MYRFL: variants seen among roughly 807,000 people sequenced by gnomAD.
MYRFL encodes the protein myelin regulatory factor-like protein.
Under a neutral mutation model 109.4 loss-of-function variants are expected in MYRFL, and 88 were observed. That is an observed-to-expected ratio of 0.80 (90% CI 0.68 to 0.96). The LOEUF is 0.96. MYRFL is among the 40% of genes least tolerant of loss of function. MYRFL has a pLI of 0.00. For synonymous variants in MYRFL, 324 were observed against 320.9 expected (o/e 1.01, Z -0.10); for missense variants, 957 against 954.9 (o/e 1.00, Z -0.03).
At chr12:69,827,767 AAAG>A (rs1882375333) in intron 1 of MYRFL, among the ~76,000 whole-genome samples, 1 of 152,106 alleles carries the variant, frequency 6.6e-6, no homozygotes, top group Admixed American at 6.6e-5. Flanking sequence ...CTTAAGCAAA[AAAG>A]TGACTTACAA....
intron 2 of MYRFL, among the ~76,000 whole-genome samples, chr12:69,869,642 G>T (rs1378574441): frequency 6.6e-6 from 1 of 152,182 alleles, no homozygotes; most frequent in East Asian, 1.9e-4. Context: ...TCAGTGTGAG[G>T]TGCAATAGAG....
chr12:69,865,460 A>G (rs1425027830), intron 2 of MYRFL, among the ~76,000 whole-genome samples: 1 of 152,084 alleles, frequency 6.6e-6, no homozygotes, highest in East Asian at 1.9e-4. Context: ...TCTGGGTTTT[A>G]TGGCTCGCTT....
At position 69,864,356 on chromosome 12, in the gene MYRFL, G is replaced by A. The variant is rs117134549; in HGVS notation, c.137+8986G>A. 2.6e-3 allele frequency among the ~76,000 whole-genome samples: 394 copies of A among 151,114 alleles called. 5 individuals are homozygous for A. Among genetic ancestry groups the A allele is most frequent in the African/African-American group, 9.2e-3 (379 of 41,122 alleles). ...TTTTTTTTCAATCTTTTTTCTCTCT[G>A]TTGGTTATATTGGATAATTTCTATT... On this transcript the variant is annotated intron_variant, in intron 2 of 24. Coordinates refer to ENST00000552032, the MANE Select transcript of MYRFL (RefSeq NM_182530.3).
intron 21 of MYRFL, among the ~76,000 whole-genome samples, chr12:69,954,421 C>T (rs2120557011): frequency 6.6e-6 from 1 of 152,290 alleles, no homozygotes; most frequent in East Asian, 1.9e-4. Context: ...ACTGAAATAA[C>T]ACTGTTCTCA....
chr12:69,913,649 G>T (rs1166552141), intron 13 of MYRFL, among the ~76,000 whole-genome samples: 1 of 152,080 alleles, frequency 6.6e-6, no homozygotes, highest in Non-Finnish European at 1.5e-5. Flanking sequence ...TATTCCATTT[G>T]TCTGTATGTC....
intron 21 of MYRFL, among the ~76,000 whole-genome samples, chr12:69,954,160 A>C (rs1015504564): frequency 1.3e-5 from 2 of 151,548 alleles, no homozygotes; most frequent in African/African-American, 4.9e-5. Context: ...GTAAGATGAC[A>C]TAGTGAAGAG....
intron 5 of MYRFL, among the ~76,000 whole-genome samples, chr12:69,882,274 A>T (rs1232486645): frequency 6.6e-6 from 1 of 152,172 alleles, no homozygotes; most frequent in East Asian, 1.9e-4. Flanking sequence ...TTCCAGAATG[A>T]AAATGAGCAG....
chr12:69,919,794 A>G (rs1165065862), intron 13 of MYRFL, among the ~76,000 whole-genome samples: 1 of 152,172 alleles, frequency 6.6e-6, no homozygotes, highest in Non-Finnish European at 1.5e-5. Context: ...CCATGGTTTT[A>G]TTATACAACC....
intron 13 of MYRFL, among the ~76,000 whole-genome samples, chr12:69,913,345 G>A (rs919018373): frequency 6.6e-6 from 1 of 152,088 alleles, no homozygotes; most frequent in African/African-American, 2.4e-5. Context: ...TGTTGCCTAT[G>A]CCAATGGTGT....
At chr12:69,895,302 T>G in intron 8 of MYRFL, 69 bp from the exon 9 acceptor site, 2 of 1,138,258 alleles carry the variant, frequency 1.8e-6, no homozygotes, top group South Asian at 1.4e-5. Flanking sequence ...TGAAAGTGGA[T>G]TAGATATGAT....
chr12:69,922,816 C>T (rs1011823765), intron 13 of MYRFL, among the ~76,000 whole-genome samples: 1 of 152,108 alleles, frequency 6.6e-6, no homozygotes, highest in Non-Finnish European at 1.5e-5. Flanking sequence ...CAAATACATG[C>T]AATAGTTTTA....
At chr12:69,861,467 G>A (rs897198055) in intron 2 of MYRFL, among the ~76,000 whole-genome samples, 1 of 152,176 alleles carries the variant, frequency 6.6e-6, no homozygotes, top group South Asian at 2.1e-4. Context: ...GTATCTCATT[G>A]TGGTTTTGAT....
At chr12:69,896,008 GGCTTA>G (rs1308221165) in intron 9 of MYRFL, among the ~76,000 whole-genome samples, 1 of 152,118 alleles carries the variant, frequency 6.6e-6, no homozygotes, top group Non-Finnish European at 1.5e-5. Context: ...CTGGGGATGG[GGCTTA>G]GCAATTTGTA....
intron 5 of MYRFL, among the ~76,000 whole-genome samples, chr12:69,881,135 G>GTTTC (rs1391840001): frequency 6.6e-6 from 1 of 151,474 alleles, no homozygotes; most frequent in Non-Finnish European, 1.5e-5. Flanking sequence ...TTGTTTGTTT[G>GTTTC]TTTGCTTATT....
At chr12:69,900,467 G>A (rs918288428) in intron 10 of MYRFL, among the ~76,000 whole-genome samples, 7 of 152,180 alleles carry the variant, frequency 4.6e-5, no homozygotes, top group Admixed American at 3.3e-4. Context: ...GAGCTTGTAA[G>A]AACACAGATA....
At chr12:69,920,576 A>ACT (rs201682429) in intron 13 of MYRFL, among the ~76,000 whole-genome samples, 147 of 152,024 alleles carry the variant, frequency 9.7e-4, no homozygotes, top group Non-Finnish European at 8.4e-4. Flanking sequence ...AGGTGAGCCC[A>ACT]CTCTCTAGGT....
At chr12:69,945,951 C>T (rs1331873963) in intron 19 of MYRFL, among the ~76,000 whole-genome samples, 27 of 128,992 alleles carry the variant, frequency 2.1e-4, no homozygotes, top group African/African-American at 7.8e-4. Flanking sequence ...CCCGCCACTG[C>T]CCTCCAGCCT....
chr12:69,954,589 T>C (rs1956055009), intron 21 of MYRFL, among the ~76,000 whole-genome samples: 2 of 152,242 alleles, frequency 1.3e-5, no homozygotes, highest in Admixed American at 6.5e-5. Context: ...TTACTTTTGC[T>C]TTTTACCTTT....
chr12:69,863,062 G>T (rs1322369263), intron 2 of MYRFL, among the ~76,000 whole-genome samples: 2 of 151,796 alleles, frequency 1.3e-5, no homozygotes, highest in South Asian at 2.1e-4. Flanking sequence ...TTATTGATTT[G>T]CATATATTGA....
Sources: allele counts gnomAD v4.1 joint callset (sites outside exome capture counted in the v4.1 genomes callset), GRCh38; gene constraint gnomAD v4.1.1; transcripts MANE v1.5; gene names NCBI Gene and HGNC (gene_info 2026-07-23, HGNC 2026-07-21).